The following SBNO2 variants were observed in gnomAD, a reference collection of about 807,000 sequenced individuals.
SBNO2 encodes protein strawberry notch homolog 2.
In SBNO2, 89 loss-of-function variants were observed where a neutral mutation model predicts 146.3. The observed-to-expected ratio is 0.61, with a 90% CI of 0.51 to 0.73. The LOEUF (loss-of-function observed/expected upper bound fraction) is 0.73. SBNO2 is among the 30% of genes least tolerant of loss of function. The pLI is 0.00. For missense variants in SBNO2, 2,092 were observed against 2,003.7 expected (o/e 1.04, Z -0.84); for synonymous variants, 1,147 against 892.6 (o/e 1.29, Z -5.08).
intron 19 of SBNO2, among the ~76,000 whole-genome samples, chr19:1,113,194 G>T (rs891177018): frequency 6.6e-6 from 1 of 152,186 alleles, no homozygotes; most frequent in African/African-American, 2.4e-5. Flanking sequence ...CGGGGGCAGG[G>T]AGTAGGAGGC....
chr19:1,127,524 C>T, intron 5 of SBNO2, 80 bp downstream of exon 5: 1 of 1,361,962 alleles, frequency 7.3e-7, no homozygotes, highest in African/African-American at 1.4e-5. Context: ...AGACTGAGAC[C>T]TCACTGGACC....
intron 1 of SBNO2, among the ~76,000 whole-genome samples, chr19:1,162,062 G>C (rs1385999307): frequency 1.3e-5 from 2 of 150,962 alleles, no homozygotes; most frequent in Non-Finnish European, 3.0e-5. Flanking sequence ...TCCTGGCCCC[G>C]AGGCTGTGGG....
At chr19:1,172,789 C>CCCCCCACCCT (rs2080493079) in intron 1 of SBNO2, among the ~76,000 whole-genome samples, 1 of 101,712 alleles carries the variant, frequency 9.8e-6, no homozygotes, top group African/African-American at 5.0e-5. Context: ...CCCCCCCCGC[C>CCCCCCACCCT]CCGGCAAACT....
chr19:1,117,897 G>A (rs2079852587), intron 14 of SBNO2, among the ~76,000 whole-genome samples: 1 of 152,194 alleles, frequency 6.6e-6, no homozygotes, highest in South Asian at 2.1e-4. Flanking sequence ...GGCTGGTCCC[G>A]GCATGACTGG....
chr19:1,130,509 T>A (rs2080016745), intron 4 of SBNO2, among the ~76,000 whole-genome samples: 1 of 142,164 alleles, frequency 7.0e-6, no homozygotes, highest in African/African-American at 2.7e-5. Context: ...AAGTTAAAAG[T>A]CAAGCAGGGC....
At position 1,158,859 on chromosome 19, in the gene SBNO2, C is replaced by G. The variant is rs868744161; in HGVS notation, c.-126-4457G>C. Among the ~76,000 whole-genome samples, 1 of 152,138 alleles carries G rather than the reference C, an allele frequency of 6.6e-6. No homozygotes were observed. Among genetic ancestry groups the G allele is most frequent in the Non-Finnish European group, 1.5e-5 (1 of 68,018 alleles). ...TTGCGGCCTCCGGTGACCTCACAGC[C>G]GTGATGGCCTCCTGCAGCTGTGACC... On this transcript the variant is annotated intron_variant, in intron 1 of 31. Transcript: ENST00000361757. This position sits in a 1 kb window ranked among gnomAD's most constrained non-coding sequence, Gnocchi z 9.9.
At position 1,140,430 on chromosome 19, in the gene SBNO2, T is replaced by C. The variant is rs2080124269; in HGVS notation, c.279+6879A>G. On this transcript the variant is annotated intron_variant, in intron 4 of 31. Transcript: ENST00000361757. This position sits in a 1 kb window ranked among gnomAD's most constrained non-coding sequence, Gnocchi z 4.4. ...CATCACCCACCAGGGACATTGAGCC[T>C]GATGGCTTCGCGCCAACCTGGAGAC... 6.6e-6 allele frequency among the ~76,000 whole-genome samples: 1 copy of C among 152,110 alleles called. No homozygotes were observed. The highest frequency in any genetic ancestry group is 2.1e-4 in the South Asian group (1 of 4,826).
At position 1,144,373 on chromosome 19, in the gene SBNO2, C is replaced by G. The variant is rs978507493; in HGVS notation, c.279+2936G>C. Among the ~76,000 whole-genome samples the G allele has an allele frequency of 3.9e-5, 6 of 152,144 alleles. No individual in the cohort carries two copies. Among genetic ancestry groups the G allele is most frequent in the East Asian group, 1.9e-4 (1 of 5,196 alleles). ...GTCCAAGCTGCCCCACATACGGACG[C>G]TGGAGCATGAGGCGGCTGTAGGCAG... On this transcript the variant is annotated intron_variant, in intron 4 of 31. Transcript: ENST00000361757. The surrounding 1 kb of genome is among the most constrained non-coding windows in gnomAD (Gnocchi z 4.1).
rs773561176 is a variant in SBNO2, at chr19:1,149,456, C to T, written c.94-14G>A. ...CAGCATGGCGCTCTAGAAGAGACAG[C>T]GGGCATCAGTGAGTGGGAAGCAGAG... is the stretch of plus-strand genomic sequence containing the variant. On this transcript the variant is annotated splice_polypyrimidine_tract_variant and intron_variant, in intron 2 of 31. Transcript: ENST00000361757. 34 of 1,549,870 alleles carry T rather than the reference C, an allele frequency of 2.2e-5. No homozygotes were observed. Among genetic ancestry groups the T allele is most frequent in the Admixed American group, 1.2e-4 (6 of 50,996 alleles).
Position 1,108,383 on chromosome 19 carries a change from T to A in SBNO2, c.3938A>T (p.Lys1313Met). The A allele has an allele frequency of 3.1e-6, 4 of 1,286,684 alleles. No homozygotes were observed. The highest frequency in any genetic ancestry group is 4.0e-6 in the Non-Finnish European group (4 of 1,010,904). 79.7% of individuals were successfully genotyped at this position (1,286,684 alleles called of 1,614,324 possible). ...LAHQGCDINFKEVLEDMLRSL... is the reference protein window; with the variant it reads ...LAHQGCDINFMEVLEDMLRSL... ...GCGCAGCATGTCCTCCAGCACCTCC[T>A]TGAAGTTGATGTCGCAGCCCTGGTG... is the stretch of plus-strand genomic sequence containing the variant. Residue 1313 changes from lysine (K) to methionine (M), a missense_variant, in exon 32 of 32, where the codon AAG (lysine) becomes ATG (methionine). Transcript: ENST00000361757.
chr19:1,116,557 G>A (rs1368694668), intron 16 of SBNO2, among the ~76,000 whole-genome samples: 3 of 152,106 alleles, frequency 2.0e-5, no homozygotes, highest in Non-Finnish European at 2.9e-5. Flanking sequence ...TTGTTAAAAC[G>A]GCACAGATGC....
intron 4 of SBNO2, among the ~76,000 whole-genome samples, chr19:1,141,936 G>T (rs1029158478): frequency 4.0e-5 from 6 of 151,880 alleles, no homozygotes; most frequent in African/African-American, 1.5e-4. Context: ...ACTCAAACAT[G>T]ACCTCCTGCA....
Position 1,154,178 on chromosome 19 carries a change from GC to G in SBNO2, c.93+5del. On this transcript the variant is annotated splice_donor_5th_base_variant and intron_variant, in intron 2 of 31. Transcript: ENST00000361757. The stretch of plus-strand genomic sequence containing the variant: ...CGGGTGGGCCGGGGCCGGGGGTGGG[GC>G]TCACCTGCAGGGGCGGCGGGCTGTA... 1 of 1,193,874 alleles carries G rather than the reference GC, an allele frequency of 8.4e-7. No homozygotes were observed. Among genetic ancestry groups the G allele is most frequent in the East Asian group, 3.1e-5 (1 of 31,812 alleles). The allele number at this position is 1,193,874 out of a possible 1,614,324, so 74.0% of individuals were successfully genotyped here. A position where few individuals can be genotyped will look rare whatever the true frequency, so the allele number is the denominator to read the frequency against.
chr19:1,125,782 G>A (rs2079958778), intron 5 of SBNO2, among the ~76,000 whole-genome samples: 3 of 152,212 alleles, frequency 2.0e-5, no homozygotes, highest in South Asian at 4.2e-4. Context: ...ATCTTTTGGG[G>A]CCAGGGTTCC....
Position 1,116,709 on chromosome 19 carries a change from G to A in SBNO2, c.1802+120C>T, listed in dbSNP as rs143868214. 51 of 836,334 alleles carry A rather than the reference G, an allele frequency of 6.1e-5. 1 individual carries two copies. The Middle Eastern group carries it at 1.4e-3, about 23-fold the overall frequency. 51.8% of individuals were successfully genotyped at this position (836,334 alleles called of 1,614,324 possible). On this transcript the variant is annotated intron_variant, in intron 16 of 31. Coordinates refer to ENST00000361757, the MANE Select transcript of SBNO2 (RefSeq NM_014963.3). The stretch of plus-strand genomic sequence containing the variant: ...TGGCTGAGGCTGGGGGCCCAGCAAA[G>A]CCCACCCCAGCACCTCCTGCTGCTG...
chr19:1,173,976 G>C lies in SBNO2; in HGVS notation c.-127+196C>G, dbSNP rs1404997217. Among the ~76,000 whole-genome samples, 1 of 150,178 alleles carries C rather than the reference G, an allele frequency of 6.7e-6. No homozygotes were observed. The highest frequency in any genetic ancestry group is 1.5e-5 in the Non-Finnish European group (1 of 67,152). On this transcript the variant is annotated intron_variant, in intron 1 of 31. Transcript: ENST00000361757. This position sits in a 1 kb window ranked among gnomAD's most constrained non-coding sequence, Gnocchi z 4.7. ...GGTCGCGGGGCAGCGCGGGGTCAAC[G>C]TTGGCGGCGAAGGGCGGGGTCGGAA...
chr19:1,123,163 C>T (rs1205286903), intron 7 of SBNO2, 118 bp from the exon 8 acceptor site: 49 of 1,188,764 alleles, frequency 4.1e-5, no homozygotes, highest in East Asian at 2.5e-5. Flanking sequence ...AGTTTGGGGG[C>T]GTGGCCAGGT....
Position 1,158,058 on chromosome 19 carries a change from A to G in SBNO2, c.-126-3656T>C. 6.6e-6 allele frequency among the ~76,000 whole-genome samples: 1 copy of G among 152,110 alleles called. No individual in the cohort carries two copies. Among genetic ancestry groups the G allele is most frequent in the East Asian group, 1.9e-4 (1 of 5,190 alleles). Reference sequence around the variant, plus strand: ...CGTCTCTCTCTCCTGAGTCCGGGTAACTGCGGCCGCCTCCCGCCTCTTTCT... The same window carrying G: ...CGTCTCTCTCTCCTGAGTCCGGGTAGCTGCGGCCGCCTCCCGCCTCTTTCT... On this transcript the variant is annotated intron_variant, in intron 1 of 31. Transcript: ENST00000361757. This position sits in a 1 kb window ranked among gnomAD's most constrained non-coding sequence, Gnocchi z 9.9.
chr19:1,132,242 G>A, intron 4 of SBNO2: 1 of 1,302,652 alleles, frequency 7.7e-7, no homozygotes, highest in African/African-American at 1.5e-5. Context: ...GGGCGGACGG[G>A]GGCGGCTCTC....
Sources: gnomAD v4.1 joint callset for allele counts (sites outside exome capture counted in the v4.1 genomes callset) on GRCh38, gnomAD v4.1.1 for gene constraint, Gnocchi (gnomAD v3.1) non-coding constraint, MANE v1.5 for transcripts, NCBI Gene and HGNC (gene_info 2026-07-23, HGNC 2026-07-21) for gene names.